Variants in ROBO1 observed in about 807,000 individuals in gnomAD.
ROBO1 encodes the protein roundabout guidance receptor 1.
A neutral mutation model predicts 195.9 loss-of-function variants in ROBO1; 149 were observed. The observed-to-expected ratio is 0.76, with a 90% CI of 0.67 to 0.87. The LOEUF is 0.87. ROBO1 is among the 40% of genes least tolerant of loss of function. The probability of loss-of-function intolerance (pLI) is 0.00; values close to 1 mark genes in which losing one functional copy is unlikely to be tolerated. For missense variants in ROBO1, 1,933 were observed against 2,068.3 expected (o/e 0.93, Z 1.27); for synonymous variants, 816 against 733.2 (o/e 1.11, Z -1.82).
At chr3:78,973,425 C>CTA (rs1231112148) in intron 3 of ROBO1, among the ~76,000 whole-genome samples, 5 of 139,142 alleles carry the variant, frequency 3.6e-5, no homozygotes, top group African/African-American at 1.1e-4. Context: ...ATATATGAAG[C>CTA]TATATATATA....
At position 78,887,841 on chromosome 3, in the gene ROBO1, C is replaced by T. The variant is rs571306125; in HGVS notation, c.499+50760G>A. On this transcript the variant is annotated intron_variant, in intron 4 of 30. Coordinates refer to ENST00000464233, the MANE Select transcript of ROBO1 (RefSeq NM_002941.4). ...TCAAATCCTAAATAAAGTTTTAAGCCATATCACTGAATCCTGCTTCAGCAG... is the reference window on the plus strand; with the variant it reads ...TCAAATCCTAAATAAAGTTTTAAGCTATATCACTGAATCCTGCTTCAGCAG... 4.6e-5 allele frequency among the ~76,000 whole-genome samples: 7 copies of T among 152,142 alleles called. No homozygotes were observed. The South Asian group carries it at 1.2e-3, about 27-fold the overall frequency.
At chr3:79,304,674 T>G (rs1265394073) in intron 2 of ROBO1, among the ~76,000 whole-genome samples, 2 of 152,196 alleles carry the variant, frequency 1.3e-5, no homozygotes, top group African/African-American at 4.8e-5. Context: ...TATTTAGAGG[T>G]CATTCCTTTT....
intron 2 of ROBO1, among the ~76,000 whole-genome samples, chr3:79,335,669 A>C (rs968445826): frequency 6.6e-6 from 1 of 152,182 alleles, no homozygotes; most frequent in Non-Finnish European, 1.5e-5. Context: ...GCAGCTCTTT[A>C]TAGCAGCAGG....
chr3:79,553,926 G>T (rs1187161493), intron 2 of ROBO1, among the ~76,000 whole-genome samples: 2 of 152,002 alleles, frequency 1.3e-5, no homozygotes, highest in African/African-American at 4.8e-5. Context: ...ACCAAAATAT[G>T]GATTGACTTT....
chr3:79,602,102 A>G (rs886153787), intron 1 of ROBO1, among the ~76,000 whole-genome samples: 3 of 152,020 alleles, frequency 2.0e-5, no homozygotes, highest in African/African-American at 7.2e-5. Context: ...TTCTAGATGC[A>G]TATACAGCCT....
chr3:79,283,724 G>T (rs1249734698), intron 2 of ROBO1, among the ~76,000 whole-genome samples: 2 of 148,194 alleles, frequency 1.3e-5, no homozygotes, highest in East Asian at 4.0e-4. Flanking sequence ...TTGAGACGGA[G>T]TCTCGCTCTG....
intron 3 of ROBO1, among the ~76,000 whole-genome samples, chr3:79,069,717 T>C (rs1262716071): frequency 6.6e-6 from 1 of 151,870 alleles, no homozygotes; most frequent in Non-Finnish European, 1.5e-5. Context: ...CTCTGCAACT[T>C]AGTAGTTAAT....
intron 3 of ROBO1, among the ~76,000 whole-genome samples, chr3:79,051,228 C>T (rs920751306): frequency 2.0e-5 from 3 of 152,112 alleles, no homozygotes; most frequent in Non-Finnish European, 2.9e-5. Context: ...AAGGGGATAT[C>T]ACCACAGATC....
chr3:78,895,057 T>C (rs960944047), intron 4 of ROBO1, among the ~76,000 whole-genome samples: 1 of 152,226 alleles, frequency 6.6e-6, no homozygotes, highest in Admixed American at 6.5e-5. Flanking sequence ...AGTGATTTAT[T>C]ACAGAGCCCA....
At chr3:78,852,750 G>A (rs537763992) in intron 4 of ROBO1, among the ~76,000 whole-genome samples, 3 of 152,240 alleles carry the variant, frequency 2.0e-5, no homozygotes, top group African/African-American at 7.2e-5. Context: ...CTTAAGGAAG[G>A]AAATGATAAC....
At chr3:79,312,585 A>G (rs540045826) in intron 2 of ROBO1, among the ~76,000 whole-genome samples, 13 of 152,306 alleles carry the variant, frequency 8.5e-5, no homozygotes, top group Admixed American at 7.8e-4. Context: ...TCTTCATGTA[A>G]ATAGATCTAT....
intron 3 of ROBO1, among the ~76,000 whole-genome samples, chr3:79,060,184 TAGTC>T (rs1247688492): frequency 6.6e-6 from 1 of 152,022 alleles, no homozygotes; most frequent in Non-Finnish European, 1.5e-5. Context: ...GGTGAAATTT[TAGTC>T]AGACTGGTTG....
chr3:79,573,442 T>C (rs746209538), intron 2 of ROBO1, among the ~76,000 whole-genome samples: 2 of 152,170 alleles, frequency 1.3e-5, no homozygotes, highest in Admixed American at 6.6e-5. Flanking sequence ...CACCAGAAAT[T>C]AAAGATACAG....
At position 79,377,769 on chromosome 3, in the gene ROBO1, G is replaced by A. The variant is rs189384946; in HGVS notation, c.88+212055C>T. On this transcript the variant is annotated intron_variant, in intron 2 of 30. Transcript: ENST00000464233. Reference sequence around the variant, plus strand: ...GCTAGAGCCTAACTGCTCATGTTTTGTGCATTCCAGCCACCCTTTACTGTC... The same window carrying A: ...GCTAGAGCCTAACTGCTCATGTTTTATGCATTCCAGCCACCCTTTACTGTC... Among the ~76,000 whole-genome samples the A allele has an allele frequency of 2.0e-5, 3 of 152,228 alleles. 1 individual carries two copies. In the East Asian group the frequency reaches 5.8e-4, roughly 29 times the overall value.
chr3:79,161,280 C>A (rs1252316543), intron 2 of ROBO1, among the ~76,000 whole-genome samples: 1 of 152,060 alleles, frequency 6.6e-6, no homozygotes, highest in East Asian at 1.9e-4. Context: ...ATCTCTTCTA[C>A]AATGACAAAA....
intron 2 of ROBO1, among the ~76,000 whole-genome samples, chr3:79,351,416 T>C (rs1206381700): frequency 3.3e-5 from 5 of 152,214 alleles, no homozygotes; most frequent in Non-Finnish European, 5.9e-5. Context: ...TGCCTATATA[T>C]AGTTGACAAT....
chr3:79,396,843 G>A (rs2037173576), intron 2 of ROBO1, among the ~76,000 whole-genome samples: 1 of 152,042 alleles, frequency 6.6e-6, no homozygotes, highest in South Asian at 2.1e-4. Context: ...ATGATTGACA[G>A]GTTGATTTTG....
At chr3:79,042,102 T>A (rs560438367) in intron 3 of ROBO1, among the ~76,000 whole-genome samples, 1 of 152,320 alleles carries the variant, frequency 6.6e-6, no homozygotes, top group East Asian at 1.9e-4. Context: ...TGAAGGCTAC[T>A]ATTTATTAAG....
chr3:79,694,932 C>G (rs148304586), intron 1 of ROBO1, among the ~76,000 whole-genome samples: 1,634 of 151,580 alleles, frequency 0.011, 18 homozygotes, highest in Admixed American at 0.016. Flanking sequence ...AATTTTGATT[C>G]TAGGATTCTC....
Sources: allele counts gnomAD v4.1 joint callset (sites outside exome capture counted in the v4.1 genomes callset), GRCh38; gene constraint gnomAD v4.1.1; transcripts MANE v1.5; gene names NCBI Gene and HGNC (gene_info 2026-07-23, HGNC 2026-07-21).